The following WWOX variants were observed in gnomAD, a reference collection of about 807,000 sequenced individuals.
WWOX encodes WW domain-containing oxidoreductase.
In WWOX, 69 loss-of-function variants were observed where a neutral mutation model predicts 46.2. The ratio of observed to expected loss-of-function variants is 1.49; its 90% CI spans 1.23 to 1.82. The LOEUF (loss-of-function observed/expected upper bound fraction) is 1.82, where lower values mean the gene tolerates loss of function less well. Ranked by LOEUF, WWOX falls within the 40% of genes most tolerant of loss-of-function variation. WWOX has a pLI of 0.00. For missense variants in WWOX, 919 were observed against 542.6 expected, an observed-to-expected ratio of 1.69 and a Z score of -6.89; for synonymous variants, 359 against 202.6, an observed-to-expected ratio of 1.77 and a Z score of -6.56.
chr16:78,557,899 G>T (rs547924100), intron 8 of WWOX, among the ~76,000 whole-genome samples: 1 of 151,908 alleles, frequency 6.6e-6, no homozygotes, highest in African/African-American at 2.4e-5. Context: ...GTTTCACCAG[G>T]TTGGCCAGGC....
At chr16:78,826,221 C>G (rs1009164738) in intron 8 of WWOX, among the ~76,000 whole-genome samples, 5 of 152,176 alleles carry the variant, frequency 3.3e-5, no homozygotes, top group African/African-American at 1.2e-4. Flanking sequence ...CTGGCGTGCC[C>G]TGTAATCACA....
intron 5 of WWOX, among the ~76,000 whole-genome samples, chr16:78,214,746 G>T (rs778551706): frequency 9.2e-5 from 14 of 151,400 alleles, no homozygotes; most frequent in Non-Finnish European, 2.1e-4. Flanking sequence ...TTCATACTTT[G>T]ATTTTATGTC....
chr16:78,294,001 A>AAAAAAAAAAAAAAAC (rs2079902501), intron 5 of WWOX, among the ~76,000 whole-genome samples: 1 of 150,658 alleles, frequency 6.6e-6, no homozygotes, highest in Non-Finnish European at 1.5e-5. Flanking sequence ...AAAAAAAAAA[A>AAAAAAAAAAAAAAAC]AAAAAAAAAG....
At chr16:78,546,033 C>G (rs1263440492) in intron 8 of WWOX, among the ~76,000 whole-genome samples, 1 of 152,156 alleles carries the variant, frequency 6.6e-6, no homozygotes, top group African/African-American at 2.4e-5. Flanking sequence ...TAGTCTGTAA[C>G]ATGCTCTATG....
At chr16:78,777,056 T>C (rs911108365) in intron 8 of WWOX, among the ~76,000 whole-genome samples, 1 of 152,192 alleles carries the variant, frequency 6.6e-6, no homozygotes, top group South Asian at 2.1e-4. Context: ...TTAGGATAAA[T>C]GTGATGAAAA....
chr16:79,174,752 C>T (rs377175824), intron 8 of WWOX, among the ~76,000 whole-genome samples: 11 of 152,214 alleles, frequency 7.2e-5, no homozygotes, highest in African/African-American at 2.4e-4. Context: ...TATGAGTGAG[C>T]AGTACTCATG....
At chr16:78,417,040 G>GGTGT (rs143606762) in intron 6 of WWOX, among the ~76,000 whole-genome samples, 1 of 151,382 alleles carries the variant, frequency 6.6e-6, no homozygotes, top group African/African-American at 2.4e-5. Context: ...ACCCTTTGGG[G>GGTGT]GTGTGTGTGT....
At chr16:78,405,635 T>C (rs1434168841) in intron 6 of WWOX, among the ~76,000 whole-genome samples, 1 of 152,248 alleles carries the variant, frequency 6.6e-6, no homozygotes, top group Non-Finnish European at 1.5e-5. Context: ...GTTTTTTATC[T>C]CTCAATGATT....
intron 5 of WWOX, among the ~76,000 whole-genome samples, chr16:78,326,589 C>G (rs1473400029): frequency 2.1e-5 from 2 of 97,276 alleles, no homozygotes; most frequent in South Asian, 4.8e-4. Context: ...CCCCCCCCCC[C>G]GCAATGCCTC....
In WWOX at chr16:78,585,688, T is replaced by TTTTTTTTG. The variant is rs1567662110; in HGVS notation, c.1056+152943_1056+152944insGTTTTTTT. Among the ~76,000 whole-genome samples the TTTTTTTTG allele has an allele frequency of 2.1e-4, 23 of 111,214 alleles. No individual in the cohort carries two copies. In the East Asian group the frequency reaches 6.6e-3, roughly 32 times the overall value. 73.0% of individuals were successfully genotyped at this position (111,214 alleles called of 152,430 possible). A position where few individuals can be genotyped will look rare whatever the true frequency, so the allele number is the denominator to read the frequency against. On this transcript the variant is annotated intron_variant, in intron 8 of 8. Transcript: ENST00000566780. ...GTTTTGTTTTGGGTTTTTTTTTTTG[T>TTTTTTTTG]TTTTTTTTGTTTTTTTTGTTTTTTT... is the stretch of plus-strand genomic sequence containing the variant.
At chr16:78,680,217 C>G (rs753012198) in intron 8 of WWOX, among the ~76,000 whole-genome samples, 1 of 152,094 alleles carries the variant, frequency 6.6e-6, no homozygotes, top group Admixed American at 6.6e-5. Flanking sequence ...CGAGACCAGC[C>G]TGAGCAGCAT....
intron 8 of WWOX, among the ~76,000 whole-genome samples, chr16:78,773,475 G>C (rs1597586590): frequency 6.6e-6 from 1 of 152,216 alleles, no homozygotes; most frequent in Non-Finnish European, 1.5e-5. Flanking sequence ...AATGAGGCGG[G>C]CAGCAGGGTA....
At chr16:78,277,760 A>AGTGT (rs2079606381) in intron 5 of WWOX, among the ~76,000 whole-genome samples, 1 of 152,142 alleles carries the variant, frequency 6.6e-6, no homozygotes, top group Non-Finnish European at 1.5e-5. Context: ...GCAGTTTAAC[A>AGTGT]GATTCCCCCC....
intron 8 of WWOX, among the ~76,000 whole-genome samples, chr16:78,878,236 C>G (rs967398308): frequency 6.6e-6 from 1 of 152,108 alleles, no homozygotes; most frequent in East Asian, 1.9e-4. Context: ...AGCCTCATGA[C>G]ATTGGGCAGA....
intron 8 of WWOX, among the ~76,000 whole-genome samples, chr16:78,507,809 G>A (rs1350673989): frequency 6.6e-6 from 1 of 152,126 alleles, no homozygotes; most frequent in Non-Finnish European, 1.5e-5. Context: ...AATAAGGCGT[G>A]AAAGATCCTC....
At chr16:78,381,673 G>T (rs1206891458) in intron 5 of WWOX, among the ~76,000 whole-genome samples, 1 of 152,194 alleles carries the variant, frequency 6.6e-6, no homozygotes, top group Non-Finnish European at 1.5e-5. Flanking sequence ...GGAAAATTTT[G>T]AGAGCCATTT....
chr16:78,737,852 T>C (rs138582518), intron 8 of WWOX, among the ~76,000 whole-genome samples: 243 of 152,292 alleles, frequency 1.6e-3, no homozygotes, highest in Middle Eastern at 6.8e-3. Context: ...TGGTTTGTCC[T>C]TGGGCCACTT....
At chr16:78,541,125 G>C (rs1195833268) in intron 8 of WWOX, among the ~76,000 whole-genome samples, 2 of 152,040 alleles carry the variant, frequency 1.3e-5, no homozygotes, top group Admixed American at 6.5e-5. Context: ...TATTTTAAAC[G>C]TGAAAAGCAA....
At chr16:78,859,817 A>G (rs1478030997) in intron 8 of WWOX, among the ~76,000 whole-genome samples, 4 of 130,568 alleles carry the variant, frequency 3.1e-5, no homozygotes, top group Non-Finnish European at 6.6e-5. Context: ...TGAAGAGGAA[A>G]TTTAATGTGA....
Sources: gnomAD v4.1 joint callset for allele counts (sites outside exome capture counted in the v4.1 genomes callset) on GRCh38, gnomAD v4.1.1 for gene constraint, MANE v1.5 for transcripts, NCBI Gene and HGNC (gene_info 2026-07-23, HGNC 2026-07-21) for gene names.